Variants in ADGRG3 observed in about 807,000 individuals in gnomAD.
ADGRG3 encodes adhesion G protein-coupled receptor G3.
In ADGRG3, 39 loss-of-function variants were observed where a neutral mutation model predicts 54.3. The ratio of observed to expected loss-of-function variants is 0.72; its 90% CI spans 0.56 to 0.94. The LOEUF is 0.94. Ranked by LOEUF, ADGRG3 falls within the 40% of genes least tolerant of loss-of-function variation. The pLI, the probability that ADGRG3 is intolerant of heterozygous loss-of-function variation, is 0.00. For synonymous variants in ADGRG3, 312 were observed against 290.0 expected (o/e 1.08, Z -0.77); for missense variants, 654 against 694.6 (o/e 0.94, Z 0.66).
chr16:57,684,987 G>T (rs2048447180), intron 10 of ADGRG3, among the ~76,000 whole-genome samples: 1 of 152,126 alleles, frequency 6.6e-6, no homozygotes. Context: ...CTCTCCCAGG[G>T]CCTCAGTCTC....
At position 57,673,397 on chromosome 16, in the gene ADGRG3, T is replaced by C; in HGVS notation, c.135T>C (p.Asn45=). The change falls in exon 2 of 12, where the codon AAT becomes AAC. Residue 45 remains asparagine, a synonymous_variant. Transcript: ENST00000333493. The part of the protein sequence containing the change: ...SNNMYDIFNL[N]DKALCFTKCR... ...ACATGTACGACATCTTCAACTTGAA[T>C]GACAAGGCTTTGTGCTTCACCAAGT... The C allele has an allele frequency of 6.2e-7, 1 of 1,613,856 alleles. No individual in the cohort carries two copies. The highest frequency in any genetic ancestry group is 1.1e-5 in the South Asian group (1 of 91,086).
chr16:57,666,705 G>A (rs372669655), upstream of ADGRG3, among the ~76,000 whole-genome samples: 24 of 152,252 alleles, frequency 1.6e-4, no homozygotes, highest in Admixed American at 1.3e-4. Flanking sequence ...CCCAGGGGGC[G>A]TTTCAGGGAA....
At chr16:57,678,774 G>A in intron 4 of ADGRG3, 2 of 321,328 alleles carry the variant, frequency 6.2e-6, no homozygotes, top group Non-Finnish European at 1.2e-5. Context: ...GTGTACCCCT[G>A]AGGGCTAGTG....
At position 57,679,839 on chromosome 16, in the gene ADGRG3, C is replaced by T; in HGVS notation, c.651C>T (p.Phe217=). Residue 217 remains phenylalanine, a synonymous_variant, in exon 6 of 12, where the codon TTC becomes TTT. Transcript: ENST00000333493. Reference sequence around the variant, plus strand: ...AGAACATGACCCTCACCTGTGTATTCTGGGATGTGACTAAAGGTAGGGCCC... The same window carrying T: ...AGAACATGACCCTCACCTGTGTATTTTGGGATGTGACTAAAGGTAGGGCCC... ...PPPNMTLTCV[F]WDVTKGTTGD... is the part of the protein sequence containing the mutation. 1 of 1,612,840 alleles carries T rather than the reference C, an allele frequency of 6.2e-7. No homozygotes were observed. The highest frequency in any genetic ancestry group is 8.5e-7 in the Non-Finnish European group (1 of 1,178,998).
At chr16:57,668,522 A>G in intron 1 of ADGRG3, 117 bp downstream of exon 1, 1 of 975,118 alleles carries the variant, frequency 1.0e-6, no homozygotes, top group Non-Finnish European at 1.5e-6. Context: ...GGTGTCTGGG[A>G]TGTGTCCTCC....
upstream of ADGRG3, chr16:57,668,196 C>A: frequency 1.6e-6 from 1 of 643,860 alleles, no homozygotes; most frequent in Non-Finnish European, 2.7e-6. Flanking sequence ...CACAACCCAA[C>A]CAATGGCGCC....
rs1377946544 is a variant in ADGRG3, at chr16:57,685,876, C to T, written c.1490C>T (p.Pro497Leu). The change falls in exon 11 of 12, where the codon CCG (proline) becomes CTG (leucine). Residue 497 changes from proline to leucine, a missense_variant. Pro to Leu is a moderately conservative substitution (Grantham distance 98, BLOSUM62 -3). Coordinates refer to ENST00000333493, the MANE Select transcript of ADGRG3 (RefSeq NM_170776.5). ...ACATGGGGGTTGGCCATCTTCACCC[C>T]GTTGGGCCTCTCCACCGTCTACATC... is the stretch of plus-strand genomic sequence containing the variant. Reference protein sequence around the residue: ...GVTWGLAIFTPLGLSTVYIFA... With the variant: ...GVTWGLAIFTLLGLSTVYIFA... The T allele has an allele frequency of 9.3e-6, 15 of 1,613,978 alleles. No homozygotes were observed. Among genetic ancestry groups the T allele is most frequent in the East Asian group, 2.2e-5 (1 of 44,890 alleles).
At chr16:57,668,674 G>A (rs533493719) in intron 1 of ADGRG3, among the ~76,000 whole-genome samples, 1 of 152,302 alleles carries the variant, frequency 6.6e-6, no homozygotes, top group African/African-American at 2.4e-5. Context: ...GAGGTCGGAG[G>A]GTGCTCCCTG....
Position 57,689,354 on chromosome 16 carries a change from C to T in ADGRG3, c.*893C>T, listed in dbSNP as rs1244627267. ...GCACAGGGTCTGGCTCGTGGCAAAC[C>T]TTGAATAAATATTTGTTGGCTGAAT... On this transcript the variant is annotated 3_prime_UTR_variant, in exon 12 of 12. Transcript: ENST00000333493. The T allele has an allele frequency of 1.2e-5, 2 of 163,702 alleles. No individual in the cohort carries two copies. The highest frequency in any genetic ancestry group is 3.7e-4 in the East Asian group (2 of 5,440). 10.1% of individuals were successfully genotyped at this position (163,702 alleles called of 1,614,324 possible).
At chr16:57,665,762 G>T (rs2048039875), upstream of ADGRG3, among the ~76,000 whole-genome samples, 1 of 152,156 alleles carries the variant, frequency 6.6e-6, no homozygotes, top group African/African-American at 2.4e-5. Flanking sequence ...TCTCCCTTCT[G>T]CAGGCTCCTC....
chr16:57,680,560 G>A lies in ADGRG3; in HGVS notation c.824G>A (p.Gly275Asp), dbSNP rs1193609474. 1 of 1,613,984 alleles carries A rather than the reference G, an allele frequency of 6.2e-7. No individual in the cohort carries two copies. The highest frequency in any genetic ancestry group is 1.7e-5 in the Admixed American group (1 of 60,022). Residue 275 changes from glycine to aspartate, a missense_variant, in exon 8 of 12, where the codon GGC becomes GAC. Physicochemically the swap from Gly to Asp is moderately conservative, Grantham distance 94. Transcript: ENST00000333493. Reference sequence around the variant, plus strand: ...ATCCTCACACGCATCTCCCAGGCGGGCTGTGGGGTCTCCATGATCTTCCTG... The same window carrying A: ...ATCCTCACACGCATCTCCCAGGCGGACTGTGGGGTCTCCATGATCTTCCTG... ...VHILTRISQA[G>D]CGVSMIFLAF...
chr16:57,679,368 A>G (rs1329636414), intron 5 of ADGRG3, 57 bp downstream of exon 5: 3 of 1,593,304 alleles, frequency 1.9e-6, no homozygotes, highest in Non-Finnish European at 2.6e-6. Context: ...GAGTGGGCAC[A>G]CCTGGGCCCA....
intron 1 of ADGRG3, among the ~76,000 whole-genome samples, chr16:57,670,885 T>C (rs181625709): frequency 1.1e-4 from 16 of 152,256 alleles, no homozygotes; most frequent in Non-Finnish European, 2.4e-4. Context: ...ACATGATTTT[T>C]AAAAAATCAA....
At chr16:57,683,052 G>A (rs546335442) in intron 8 of ADGRG3, among the ~76,000 whole-genome samples, 16 of 152,344 alleles carry the variant, frequency 1.1e-4, no homozygotes, top group East Asian at 3.9e-4. Context: ...CTCCCCAGAA[G>A]GAAACCTCCA....
In ADGRG3 at chr16:57,686,040, G is replaced by A. The variant is rs1290168109; in HGVS notation, c.1540+114G>A. 4.3e-5 allele frequency: 46 copies of A among 1,072,402 alleles called. No homozygotes were observed. The Admixed American group carries it at 9.2e-4, about 21-fold the overall frequency. The allele number at this position is 1,072,402 out of a possible 1,614,324, so 66.4% of individuals were successfully genotyped here. On this transcript the variant is annotated intron_variant, in intron 11 of 11. Coordinates refer to ENST00000333493, the MANE Select transcript of ADGRG3 (RefSeq NM_170776.5). ...CAGGACTCTGTTCAGGCTAGCTGAA[G>A]TCAAGGATGTTGATTTCAAATACTC...
At chr16:57,678,543 A>G in intron 4 of ADGRG3, 1 of 567,616 alleles carries the variant, frequency 1.8e-6, no homozygotes, top group Admixed American at 3.0e-5. Context: ...ACCCCCACAC[A>G]TGAGTGCCCT....
At chr16:57,683,140 G>C (rs117072323) in intron 8 of ADGRG3, among the ~76,000 whole-genome samples, 3 of 152,238 alleles carry the variant, frequency 2.0e-5, no homozygotes, top group Non-Finnish European at 4.4e-5. Flanking sequence ...AAGGCATTGA[G>C]AACAGTGGGA....
intron 1 of ADGRG3, among the ~76,000 whole-genome samples, chr16:57,670,447 A>G (rs1032908673): frequency 1.3e-5 from 2 of 152,044 alleles, no homozygotes; most frequent in Non-Finnish European, 2.9e-5. Context: ...ATGGCAGAGA[A>G]TGGCACCCGT....
At chr16:57,674,962 C>T (rs1204544326) in intron 2 of ADGRG3, among the ~76,000 whole-genome samples, 3 of 136,622 alleles carry the variant, frequency 2.2e-5, no homozygotes, top group Non-Finnish European at 4.6e-5. Context: ...CTCCACTGCA[C>T]TCCAGCCTGG....
Sources: allele counts gnomAD v4.1 joint callset (sites outside exome capture counted in the v4.1 genomes callset), GRCh38; gene constraint gnomAD v4.1.1; transcripts MANE v1.5; gene names NCBI Gene and HGNC (gene_info 2026-07-23, HGNC 2026-07-21).